CDH7: variants seen among roughly 807,000 people sequenced by gnomAD.
CDH7 encodes the protein cadherin-7.
In CDH7, 25 loss-of-function variants were observed where a neutral mutation model predicts 71.8. The observed-to-expected ratio is 0.35, with a 90% CI of 0.25 to 0.49. The LOEUF is 0.49. CDH7 is among the 20% of genes least tolerant of loss of function. CDH7 has a pLI of 0.99. For synonymous variants in CDH7, 381 were observed against 363.8 expected (o/e 1.05, Z -0.54); for missense variants, 862 against 974.6 (o/e 0.88, Z 1.54).
intron 2 of CDH7, among the ~76,000 whole-genome samples, chr18:65,786,072 C>T (rs1026724649): frequency 6.6e-6 from 1 of 152,134 alleles, no homozygotes; most frequent in Admixed American, 6.6e-5. Context: ...TTGATCTGAG[C>T]TAGAGCTGCC....
chr18:65,777,284 T>C (rs562210456), intron 2 of CDH7, among the ~76,000 whole-genome samples: 2 of 152,084 alleles, frequency 1.3e-5, no homozygotes, highest in Non-Finnish European at 2.9e-5. Flanking sequence ...ATAATTATGT[T>C]GGTTGACTAT....
chr18:65,862,897 C>T lies in CDH7; in HGVS notation c.1844C>T (p.Ala615Val). The T allele has an allele frequency of 6.2e-7, 1 of 1,614,174 alleles. No homozygotes were observed. The highest frequency in any genetic ancestry group is 8.5e-7 in the Non-Finnish European group (1 of 1,180,018). ...LSTGALIAIL[A>V]CVLTLLVLIL... ...ACAGGAGCCCTGATAGCCATACTCG[C>T]CTGTGTCTTGACATTATTGGGTAGG... Residue 615 changes from alanine (A) to valine (V), a missense_variant, in exon 11 of 12, where the codon GCC (alanine) becomes GTC (valine). Physicochemically the swap from Ala to Val is moderately conservative, Grantham distance 64 (BLOSUM62 0). Coordinates refer to ENST00000397968, the MANE Select transcript of CDH7 (RefSeq NM_004361.5).
At chr18:65,761,727 A>T (rs1555680451) in intron 1 of CDH7, among the ~76,000 whole-genome samples, 1 of 152,120 alleles carries the variant, frequency 6.6e-6, no homozygotes, top group Non-Finnish European at 1.5e-5. Context: ...TTTGTAACTG[A>T]TTTTATATCT....
intron 2 of CDH7, among the ~76,000 whole-genome samples, chr18:65,770,872 T>C (rs182897233): frequency 1.0e-3 from 154 of 152,334 alleles, no homozygotes; most frequent in Admixed American, 2.0e-3. Flanking sequence ...AATTTCAGTA[T>C]GTATTTGTCT....
Position 65,810,012 on chromosome 18 carries a change from ACT to A in CDH7, c.505+17_505+18del. The A allele has an allele frequency of 6.3e-7, 1 of 1,593,244 alleles. No homozygotes were observed. The highest frequency in any genetic ancestry group is 1.1e-5 in the South Asian group (1 of 90,198). On this transcript the variant is annotated intron_variant, in intron 3 of 11. Coordinates refer to ENST00000397968, the MANE Select transcript of CDH7 (RefSeq NM_004361.5). Reference sequence around the variant, plus strand: ...TGTCTCCCGTGGGTAAGTAAAGAACACTCTGCTTTTGTAGCTTGTGGCCGATT... The same window carrying A: ...TGTCTCCCGTGGGTAAGTAAAGAACACTGCTTTTGTAGCTTGTGGCCGATT...
chr18:65,824,765 T>C lies in CDH7; in HGVS notation c.915T>C (p.Asp305=). Residue 305 remains aspartate, a synonymous_variant, in exon 6 of 12, where the codon GAT becomes GAC. Transcript: ENST00000397968. ...AEMEYKIVDG[D]GLGIFKISVD... is the part of the protein sequence containing the mutation. ...TGGAGTACAAGATTGTGGATGGTGATGGTTTGGGCATTTTTAAGATTTCTG... is the reference window on the plus strand; with the variant it reads ...TGGAGTACAAGATTGTGGATGGTGACGGTTTGGGCATTTTTAAGATTTCTG... 1 of 1,612,654 alleles carries C rather than the reference T, an allele frequency of 6.2e-7. No individual in the cohort carries two copies. The highest frequency in any genetic ancestry group is 8.5e-7 in the Non-Finnish European group (1 of 1,178,910).
chr18:65,816,586 T>A (rs9964973), intron 4 of CDH7, among the ~76,000 whole-genome samples: 12,079 of 152,234 alleles, frequency 0.079, 784 homozygotes, highest in African/African-American at 0.17. Context: ...CACTGTTAGG[T>A]GCATTTTTAT....
At chr18:65,827,810 C>A (rs920595341) in intron 6 of CDH7, among the ~76,000 whole-genome samples, 6 of 151,740 alleles carry the variant, frequency 4.0e-5, no homozygotes, top group African/African-American at 1.5e-4. Context: ...TTTTTATGTT[C>A]ATTAATTCAT....
chr18:65,839,593 A>T (rs150016207), intron 6 of CDH7, among the ~76,000 whole-genome samples: 2 of 152,216 alleles, frequency 1.3e-5, no homozygotes, highest in Non-Finnish European at 1.5e-5. Context: ...TTTAAAATGC[A>T]TGTTAAAGAT....
At chr18:65,794,914 T>C (rs987476351) in intron 2 of CDH7, among the ~76,000 whole-genome samples, 2 of 152,188 alleles carry the variant, frequency 1.3e-5, no homozygotes, top group Non-Finnish European at 2.9e-5. Flanking sequence ...GTCAGAAGAA[T>C]TAAAGGTCCC....
At chr18:65,856,432 T>C (rs1913359327) in intron 7 of CDH7, among the ~76,000 whole-genome samples, 1 of 152,102 alleles carries the variant, frequency 6.6e-6, no homozygotes, top group African/African-American at 2.4e-5. Context: ...CTAGCATCAA[T>C]AAACTGTAGG....
At chr18:65,848,161 C>T (rs1913002072) in intron 7 of CDH7, among the ~76,000 whole-genome samples, 1 of 151,992 alleles carries the variant, frequency 6.6e-6, no homozygotes, top group South Asian at 2.1e-4. Flanking sequence ...GTGATAGAAA[C>T]TTCACTTCTG....
chr18:65,828,352 G>A (rs974519230), intron 6 of CDH7, among the ~76,000 whole-genome samples: 5 of 152,040 alleles, frequency 3.3e-5, no homozygotes, highest in Non-Finnish European at 7.4e-5. Flanking sequence ...GTGTTACACA[G>A]TTGATCCTTA....
At chr18:65,871,110 G>A (rs904423884) in intron 11 of CDH7, among the ~76,000 whole-genome samples, 1 of 152,182 alleles carries the variant, frequency 6.6e-6, no homozygotes, top group African/African-American at 2.4e-5. Context: ...TCACAAGTGA[G>A]AGCATGGTAA....
intron 10 of CDH7, 98 bp from the exon 11 acceptor site, chr18:65,862,568 A>C (rs1433571906): frequency 8.3e-7 from 1 of 1,206,566 alleles, no homozygotes; most frequent in African/African-American, 1.5e-5. Flanking sequence ...AGATTTCCCT[A>C]ATTAAGGCAT....
intron 2 of CDH7, among the ~76,000 whole-genome samples, chr18:65,808,728 T>G: frequency 6.6e-6 from 1 of 152,114 alleles, no homozygotes; most frequent in South Asian, 2.1e-4. Flanking sequence ...TTTTAAAAAA[T>G]GCAAACATAG....
In CDH7 at chr18:65,809,813, C is replaced by T; in HGVS notation, c.320C>T (p.Thr107Ile). The T allele has an allele frequency of 2.5e-6, 4 of 1,614,068 alleles. No individual in the cohort carries two copies. Among genetic ancestry groups the T allele is most frequent in the African/African-American group, 1.3e-5 (1 of 75,018 alleles). The stretch of plus-strand genomic sequence containing the variant: ...GAGAACACTGGGGATATTCATGCCA[C>T]CAAGAGACTGGATCGTGAGGAGCAG... ...IDENTGDIHA[T>I]KRLDREEQAY... Residue 107 changes from threonine (T) to isoleucine (I), a missense_variant, in exon 3 of 12, where the codon ACC becomes ATC. Transcript: ENST00000397968.
rs562463553 is a variant in CDH7, at chr18:65,821,992, A to G, written c.626-89A>G. 1.9e-4 allele frequency: 190 copies of G among 1,010,562 alleles called. 1 individual carries two copies. The highest frequency in any genetic ancestry group is 2.7e-4 in the Non-Finnish European group (177 of 645,368). The allele number at this position is 1,010,562 out of a possible 1,614,324, so 62.6% of individuals were successfully genotyped here. Reference sequence around the variant, plus strand: ...ACAAAACAACAAAAGGCAACAACTCAAGAGGGACTTACTACTTGTATCAGT... The same window carrying G: ...ACAAAACAACAAAAGGCAACAACTCGAGAGGGACTTACTACTTGTATCAGT... On this transcript the variant is annotated intron_variant, in intron 4 of 11. Coordinates refer to ENST00000397968, the MANE Select transcript of CDH7 (RefSeq NM_004361.5).
chr18:65,768,660 A>T (rs1490514225), intron 2 of CDH7, among the ~76,000 whole-genome samples: 1 of 152,196 alleles, frequency 6.6e-6, no homozygotes, highest in Non-Finnish European at 1.5e-5. Context: ...GAGTCACAGG[A>T]TCTGCAGCCC....
Sources: gnomAD v4.1 joint callset for allele counts (sites outside exome capture counted in the v4.1 genomes callset) on GRCh38, gnomAD v4.1.1 for gene constraint, MANE v1.5 for transcripts, NCBI Gene and HGNC (gene_info 2026-07-23, HGNC 2026-07-21) for gene names.